The following VPS8 variants were observed in gnomAD, a reference collection of about 807,000 sequenced individuals.
VPS8 encodes the protein vacuolar protein sorting-associated protein 8 homolog.
In VPS8, 129 loss-of-function variants were observed where a neutral mutation model predicts 216.4. The observed-to-expected ratio is 0.60, with a 90% CI of 0.52 to 0.69. The LOEUF is 0.69. VPS8 is among the 30% of genes least tolerant of loss of function. The pLI is 0.00. For missense variants in VPS8, 1,531 were observed against 1,683.5 expected (o/e 0.91, Z 1.59); for synonymous variants, 571 against 565.4 (o/e 1.01, Z -0.14).
intron 13 of VPS8, 48 bp from the exon 14 acceptor site, chr3:184,855,663 C>G (rs1725102373): frequency 1.4e-6 from 2 of 1,420,664 alleles, no homozygotes; most frequent in Non-Finnish European, 2.0e-6. Flanking sequence ...CTCTTTGTCC[C>G]CTTGTTTATT....
rs536643242 is a variant in VPS8, at chr3:185,020,190, C to T, written c.4003-4146C>T. Reference sequence around the variant, plus strand: ...AAAATTGAAAATAACCTAAATGTCCCAATAGCCCACAGTTGATTAAATTAG... The same window carrying T: ...AAAATTGAAAATAACCTAAATGTCCTAATAGCCCACAGTTGATTAAATTAG... On this transcript the variant is annotated intron_variant, in intron 45 of 47. Transcript: ENST00000625842. Among the ~76,000 whole-genome samples, 22 of 152,246 alleles carry T rather than the reference C, an allele frequency of 1.4e-4. No individual in the cohort carries two copies. The East Asian group carries it at 4.1e-3, about 28-fold the overall frequency.
intron 28 of VPS8, 124 bp downstream of exon 28, chr3:184,915,598 C>A: frequency 1.0e-6 from 1 of 1,003,156 alleles, no homozygotes; most frequent in Non-Finnish European, 1.4e-6. Context: ...CATCTGAGGT[C>A]AGGAGTTCCA....
chr3:184,884,976 G>A (rs1340158340), intron 21 of VPS8, among the ~76,000 whole-genome samples: 1 of 152,066 alleles, frequency 6.6e-6, no homozygotes, highest in African/African-American at 2.4e-5. Context: ...TCTCAGTCAG[G>A]GTTGAGATTT....
chr3:184,956,284 A>C (rs577295782), intron 36 of VPS8, among the ~76,000 whole-genome samples: 4 of 152,192 alleles, frequency 2.6e-5, no homozygotes, highest in Admixed American at 6.5e-5. Context: ...TGTACTGTAC[A>C]TGGTTACAAG....
chr3:185,048,376 A>G, intron 46 of VPS8, 103 bp from the exon 47 acceptor site: 1 of 1,120,860 alleles, frequency 8.9e-7, no homozygotes, highest in Non-Finnish European at 1.3e-6. Flanking sequence ...TGTTTTCAGG[A>G]GAATGAAGGA....
intron 36 of VPS8, among the ~76,000 whole-genome samples, chr3:184,952,585 C>T (rs552868040): frequency 2.0e-5 from 3 of 152,218 alleles, no homozygotes; most frequent in Non-Finnish European, 1.5e-5. Context: ...AGTAGAGTAG[C>T]TAAGTATATA....
intron 2 of VPS8, among the ~76,000 whole-genome samples, chr3:184,825,623 C>T (rs186148210): frequency 1.2e-4 from 18 of 152,192 alleles, no homozygotes; most frequent in African/African-American, 1.7e-4. Flanking sequence ...GAAAGTAGGC[C>T]GGGCGTGGTG....
At chr3:184,949,378 C>T (rs1365752086) in intron 36 of VPS8, among the ~76,000 whole-genome samples, 3 of 152,184 alleles carry the variant, frequency 2.0e-5, no homozygotes, top group African/African-American at 7.2e-5. Context: ...ACCAAATCCC[C>T]TACAGCCAGC....
At position 184,961,056 on chromosome 3, in the gene VPS8, T is replaced by C. The variant is rs577525854; in HGVS notation, c.3184-3412T>C. Among the ~76,000 whole-genome samples, 6 of 152,278 alleles carry C rather than the reference T, an allele frequency of 3.9e-5. No homozygotes were observed. The South Asian group carries it at 1.2e-3, about 32-fold the overall frequency. On this transcript the variant is annotated intron_variant, in intron 37 of 47. Transcript: ENST00000625842. ...CTCAATAAGCATAGAAAAAGGAACATAGTAAAAATATTGAAAGGAGACCAA... is the reference window on the plus strand; with the variant it reads ...CTCAATAAGCATAGAAAAAGGAACACAGTAAAAATATTGAAAGGAGACCAA...
In VPS8 at chr3:184,824,631, A is replaced by G. The variant is rs1012719119; in HGVS notation, c.-2A>G. 5.0e-6 allele frequency: 8 copies of G among 1,613,216 alleles called. No individual in the cohort carries two copies. The highest frequency in any genetic ancestry group is 5.9e-6 in the Non-Finnish European group (7 of 1,179,630). On this transcript the variant is annotated 5_prime_UTR_variant, in exon 2 of 48. Transcript: ENST00000625842. ...GACTGAATACTGTTATTAGAAGTAA[A>G]TATGGAAAATGAACCAGACCATGAA...
intron 13 of VPS8, among the ~76,000 whole-genome samples, chr3:184,855,153 T>G (rs1273334154): frequency 6.6e-6 from 1 of 152,218 alleles, no homozygotes; most frequent in Non-Finnish European, 1.5e-5. Flanking sequence ...TTGTATGTTT[T>G]TATTGTTTTT....
intron 40 of VPS8, among the ~76,000 whole-genome samples, chr3:184,973,825 C>A (rs1018893070): frequency 6.6e-6 from 1 of 152,134 alleles, no homozygotes; most frequent in Admixed American, 6.6e-5. Flanking sequence ...GCTTATTTCA[C>A]ATAACATTAT....
intron 13 of VPS8, 64 bp from the exon 14 acceptor site, chr3:184,855,647 A>G: frequency 7.7e-7 from 1 of 1,297,752 alleles, no homozygotes; most frequent in East Asian, 2.3e-5. Context: ...TTTTAACCAT[A>G]GTTTTCTCTT....
At chr3:184,889,068 A>G (rs932912150) in intron 22 of VPS8, among the ~76,000 whole-genome samples, 8 of 152,120 alleles carry the variant, frequency 5.3e-5, no homozygotes, top group African/African-American at 1.7e-4. Flanking sequence ...TTTCTTTTTT[A>G]TATGATTTGG....
Position 184,928,548 on chromosome 3 carries a change from G to A in VPS8, c.2714+15G>A, listed in dbSNP as rs980408158. On this transcript the variant is annotated intron_variant, in intron 32 of 47. Transcript: ENST00000625842. ...AAAGCTGAGTTGTAAGTTGTTTTGAGGCTGTATATTAGTTTGCCATAGAAA... is the reference window on the plus strand; with the variant it reads ...AAAGCTGAGTTGTAAGTTGTTTTGAAGCTGTATATTAGTTTGCCATAGAAA... The A allele has an allele frequency of 1.3e-6, 2 of 1,483,238 alleles. No homozygotes were observed. The highest frequency in any genetic ancestry group is 1.8e-6 in the Non-Finnish European group (2 of 1,124,976). The allele number at this position is 1,483,238 out of a possible 1,614,324, so 91.9% of individuals were successfully genotyped here. A position where few individuals can be genotyped will look rare whatever the true frequency, so the allele number is the denominator to read the frequency against.
chr3:184,882,993 C>T (rs1322696626), intron 21 of VPS8, among the ~76,000 whole-genome samples: 3 of 152,178 alleles, frequency 2.0e-5, no homozygotes, highest in Non-Finnish European at 4.4e-5. Context: ...AACACCTTAA[C>T]TAAAAACACC....
chr3:184,910,444 G>A (rs575187489), intron 25 of VPS8, among the ~76,000 whole-genome samples: 17 of 152,074 alleles, frequency 1.1e-4, no homozygotes, highest in Non-Finnish European at 1.9e-4. Context: ...CCCTATCTCC[G>A]CTTCTCCAAG....
intron 36 of VPS8, among the ~76,000 whole-genome samples, chr3:184,948,336 A>AC (rs1339554012): frequency 2.6e-5 from 4 of 151,936 alleles, no homozygotes; most frequent in Non-Finnish European, 5.9e-5. Flanking sequence ...ACATAGTAAG[A>AC]CCCCATCTCT....
intron 28 of VPS8, chr3:184,919,162 T>G (rs757636345): frequency 1.4e-4 from 21 of 152,206 alleles, no homozygotes; most frequent in Admixed American, 8.5e-4. Flanking sequence ...TAAAGAACAG[T>G]AACTACTCTT....
Sources: allele counts gnomAD v4.1 joint callset (sites outside exome capture counted in the v4.1 genomes callset), GRCh38; gene constraint gnomAD v4.1.1; transcripts MANE v1.5; gene names NCBI Gene and HGNC (gene_info 2026-07-23, HGNC 2026-07-21).